DPYD: variants seen among roughly 807,000 people sequenced by gnomAD.
DPYD encodes the protein dihydropyrimidine dehydrogenase.
DPYD carries 109 observed loss-of-function variants against 116.2 expected under a neutral mutation model. The observed-to-expected ratio is 0.94, with a 90% CI of 0.80 to 1.10. The LOEUF (loss-of-function observed/expected upper bound fraction) is 1.10, where lower values mean the gene tolerates loss of function less well. Ranked by LOEUF, DPYD falls within the 50% of genes least tolerant of loss-of-function variation. The pLI, the probability that DPYD is intolerant of heterozygous loss-of-function variation, is 0.00. For missense variants in DPYD, 1,302 were observed against 1,254.5 expected (o/e 1.04, Z -0.57); for synonymous variants, 440 against 432.0 (o/e 1.02, Z -0.23).
At chr1:97,825,344 A>G (rs1251787573) in intron 3 of DPYD, among the ~76,000 whole-genome samples, 6 of 152,010 alleles carry the variant, frequency 3.9e-5, no homozygotes, top group Non-Finnish European at 8.8e-5. Context: ...TAAAACCTAA[A>G]TAAATAAGGA....
chr1:97,289,276 C>T (rs1230473387), intron 18 of DPYD, among the ~76,000 whole-genome samples: 12 of 152,006 alleles, frequency 7.9e-5, no homozygotes, highest in Non-Finnish European at 1.5e-5. Flanking sequence ...GAACTGGTAC[C>T]ATTCCTTCTG....
intron 19 of DPYD, among the ~76,000 whole-genome samples, chr1:97,207,781 T>C (rs1240722773): frequency 6.6e-6 from 1 of 152,252 alleles, no homozygotes; most frequent in South Asian, 2.1e-4. Context: ...TAGACTCTCT[T>C]ATCTAATTTT....
At chr1:97,473,289 T>A (rs1274773552) in intron 13 of DPYD, among the ~76,000 whole-genome samples, 1 of 152,262 alleles carries the variant, frequency 6.6e-6, no homozygotes, top group African/African-American at 2.4e-5. Context: ...TTCATCCATG[T>A]TGCCCCAAAT....
chr1:97,274,015 A>C (rs1420035132), intron 18 of DPYD, among the ~76,000 whole-genome samples: 2 of 152,216 alleles, frequency 1.3e-5, no homozygotes, highest in Non-Finnish European at 2.9e-5. Context: ...TTATCATCAC[A>C]GCCTGTGAAT....
intron 18 of DPYD, 88 bp from the exon 19 acceptor site, chr1:97,235,082 C>G (rs932211585): frequency 1.5e-5 from 22 of 1,514,288 alleles, no homozygotes; most frequent in African/African-American, 2.7e-5. Context: ...GATGTGATGA[C>G]AGCGTCACTG....
chr1:97,192,193 T>G (rs148298032), intron 20 of DPYD, among the ~76,000 whole-genome samples: 4 of 152,270 alleles, frequency 2.6e-5, no homozygotes, highest in African/African-American at 9.6e-5. Context: ...TTATATGATG[T>G]TTCTCTTATT....
intron 10 of DPYD, among the ~76,000 whole-genome samples, chr1:97,584,974 AT>A (rs1412995145): frequency 2.0e-5 from 3 of 149,544 alleles, no homozygotes; most frequent in Non-Finnish European, 4.5e-5. Context: ...TAATAAAGAA[AT>A]AAAATAAAAT....
At chr1:97,488,201 C>A (rs2101897351) in intron 13 of DPYD, among the ~76,000 whole-genome samples, 1 of 151,856 alleles carries the variant, frequency 6.6e-6, no homozygotes, top group South Asian at 2.1e-4. Flanking sequence ...TTGTATAAAT[C>A]TATTTATACA....
At chr1:97,470,876 G>C (rs1221892023) in intron 13 of DPYD, among the ~76,000 whole-genome samples, 1 of 152,092 alleles carries the variant, frequency 6.6e-6, no homozygotes, top group Non-Finnish European at 1.5e-5. Flanking sequence ...TGTAATCCCA[G>C]CTACTCAGGG....
At chr1:97,173,191 TG>T (rs1366151385) in intron 20 of DPYD, among the ~76,000 whole-genome samples, 3 of 147,422 alleles carry the variant, frequency 2.0e-5, no homozygotes, top group Non-Finnish European at 3.0e-5. Context: ...CATATATATG[TG>T]TATATATGTG....
At chr1:97,754,783 A>G (rs149800564) in intron 3 of DPYD, among the ~76,000 whole-genome samples, 38 of 152,334 alleles carry the variant, frequency 2.5e-4, no homozygotes, top group African/African-American at 8.9e-4. Flanking sequence ...TAATAGAAAG[A>G]TAAGAGATAC....
chr1:97,232,940 C>T (rs1393706153), intron 19 of DPYD, among the ~76,000 whole-genome samples: 1 of 152,010 alleles, frequency 6.6e-6, no homozygotes, highest in Non-Finnish European at 1.5e-5. Flanking sequence ...TGAGGTTTTC[C>T]TGGGTCTTGG....
intron 20 of DPYD, among the ~76,000 whole-genome samples, chr1:97,123,340 G>T (rs1461958559): frequency 6.6e-6 from 1 of 151,912 alleles, no homozygotes; most frequent in East Asian, 1.9e-4. Context: ...TAACATTAAG[G>T]TTAAATTTAA....
intron 20 of DPYD, among the ~76,000 whole-genome samples, chr1:97,148,253 TGG>T (rs58371356): frequency 1.0e-3 from 62 of 62,278 alleles, no homozygotes; most frequent in Middle Eastern, 0.015. Flanking sequence ...TGTGTGTGTG[TGG>T]GGGGGGTGTG....
intron 1 of DPYD, among the ~76,000 whole-genome samples, chr1:97,892,069 C>T (rs1571540887): frequency 6.6e-6 from 1 of 151,704 alleles, no homozygotes; most frequent in East Asian, 1.9e-4. Context: ...CTCCTACTTT[C>T]CAATGCATCA....
intron 18 of DPYD, among the ~76,000 whole-genome samples, chr1:97,292,279 T>C (rs756043306): frequency 6.6e-5 from 10 of 152,100 alleles, no homozygotes; most frequent in African/African-American, 1.2e-4. Context: ...CTGGGTAATG[T>C]ATAAAAGAAA....
At chr1:97,271,453 T>C (rs1664577306) in intron 18 of DPYD, among the ~76,000 whole-genome samples, 1 of 151,998 alleles carries the variant, frequency 6.6e-6, no homozygotes, top group Admixed American at 6.6e-5. Context: ...GCTTTAGAGA[T>C]CAATCAGATA....
chr1:97,859,224 A>G (rs1052217800), intron 2 of DPYD, among the ~76,000 whole-genome samples: 18 of 152,214 alleles, frequency 1.2e-4, no homozygotes, highest in Non-Finnish European at 1.6e-4. Flanking sequence ...AAGAATCTCT[A>G]TGGTATGATT....
At chr1:97,801,635 T>C (rs1226898631) in intron 3 of DPYD, among the ~76,000 whole-genome samples, 5 of 151,906 alleles carry the variant, frequency 3.3e-5, no homozygotes, top group African/African-American at 9.7e-5. Context: ...AGGTAACATT[T>C]GAGGAAAGAA....
Sources: gnomAD v4.1 joint callset for allele counts (sites outside exome capture counted in the v4.1 genomes callset) on GRCh38, gnomAD v4.1.1 for gene constraint, MANE v1.5 for transcripts, NCBI Gene and HGNC (gene_info 2026-07-23, HGNC 2026-07-21) for gene names.